The following DPH6 variants were observed in gnomAD, a reference collection of about 807,000 sequenced individuals.
DPH6 encodes the protein diphthamine biosynthesis 6.
DPH6 carries 33 observed loss-of-function variants against 38.2 expected under a neutral mutation model. The ratio of observed to expected loss-of-function variants is 0.86; its 90% CI spans 0.65 to 1.15. The LOEUF (loss-of-function observed/expected upper bound fraction) is 1.15, where lower values mean the gene tolerates loss of function less well. Among genes scored for constraint, DPH6 ranks in the 50% most tolerant of loss-of-function variants. The probability of loss-of-function intolerance (pLI) is 0.00; values close to 1 mark genes in which losing one functional copy is unlikely to be tolerated. For synonymous variants in DPH6, 108 were observed against 103.0 expected, an observed-to-expected ratio of 1.05 and a Z score of -0.30; for missense variants, 325 against 320.0, an observed-to-expected ratio of 1.02 and a Z score of -0.12.
At chr15:35,387,404 T>C (rs927369244) in intron 6 of DPH6, among the ~76,000 whole-genome samples, 1 of 152,212 alleles carries the variant, frequency 6.6e-6, no homozygotes, top group Non-Finnish European at 1.5e-5. Flanking sequence ...TTGATGGGGA[T>C]GGCATTGAAT....
chr15:35,398,525 C>T lies in DPH6; in HGVS notation c.567+12310G>A, dbSNP rs111901346. Among the ~76,000 whole-genome samples, 602 of 132,720 alleles carry T rather than the reference C, an allele frequency of 4.5e-3. 3 individuals carry two copies. Among genetic ancestry groups the T allele is most frequent in the African/African-American group, 0.018 (560 of 31,048 alleles). The allele number at this position is 132,720 out of a possible 152,430, so 87.1% of individuals were successfully genotyped here. On this transcript the variant is annotated intron_variant, in intron 6 of 8. Coordinates refer to ENST00000256538, the MANE Select transcript of DPH6 (RefSeq NM_080650.4). ...ACATGGAGCTGCCTGGAGGATGGTGCGCTGAGAGACAGCCTGGAAGCTCTG... is the reference window on the plus strand; with the variant it reads ...ACATGGAGCTGCCTGGAGGATGGTGTGCTGAGAGACAGCCTGGAAGCTCTG...
chr15:35,324,483 A>C (rs2052266545), intron 3 of DPH6, among the ~76,000 whole-genome samples: 1 of 151,778 alleles, frequency 6.6e-6, no homozygotes, highest in South Asian at 2.1e-4. Flanking sequence ...GTCTTATAAC[A>C]TTGTTACTTA....
the DPH6 span, among the ~76,000 whole-genome samples, chr15:35,191,866 T>G: frequency 6.6e-6 from 1 of 152,218 alleles, no homozygotes; most frequent in Non-Finnish European, 1.5e-5. Flanking sequence ...CCTTCCTACA[T>G]GTAGCTATGT....
chr15:35,473,953 T>TGCGC (rs1385511052), intron 3 of DPH6, among the ~76,000 whole-genome samples: 2 of 25,012 alleles, frequency 8.0e-5, no homozygotes, highest in African/African-American at 1.1e-4. Flanking sequence ...TGTGTGTGTG[T>TGCGC]GTGTGCGCGC....
intron 3 of DPH6, among the ~76,000 whole-genome samples, chr15:35,249,696 TA>T (rs1384245810): frequency 2.0e-5 from 3 of 152,174 alleles, no homozygotes; most frequent in Non-Finnish European, 4.4e-5. Flanking sequence ...CGAAGAACTT[TA>T]AAAATAGCAT....
chr15:35,407,397 T>C (rs927002431), intron 6 of DPH6, among the ~76,000 whole-genome samples: 1 of 151,878 alleles, frequency 6.6e-6, no homozygotes, highest in Admixed American at 6.6e-5. Context: ...TGTCACATAA[T>C]AGACCCTCAA....
intron 3 of DPH6, among the ~76,000 whole-genome samples, chr15:35,313,916 C>T (rs965140888): frequency 6.6e-6 from 1 of 152,034 alleles, no homozygotes; most frequent in African/African-American, 2.4e-5. Context: ...ACACCAAAAG[C>T]ACAGGCAACC....
At chr15:35,152,391 T>G in the DPH6 span, among the ~76,000 whole-genome samples, 3 of 152,070 alleles carry the variant, frequency 2.0e-5, no homozygotes, top group Admixed American at 2.0e-4. Context: ...ACTCTGAAAA[T>G]TTTAAGGTTT....
At chr15:35,407,375 C>A (rs2053308472) in intron 6 of DPH6, among the ~76,000 whole-genome samples, 1 of 151,818 alleles carries the variant, frequency 6.6e-6, no homozygotes, top group African/African-American at 2.4e-5. Flanking sequence ...ACTTAGTGTT[C>A]ACCATAGCAT....
chr15:35,474,208 C>T lies in DPH6; in HGVS notation c.313-19388G>A, dbSNP rs563074453. ...AGCAAGTTTGGCAGGAAACTGCTTT[C>T]TAAACCAAGTTAAATTTTTCCCCTC... is the stretch of plus-strand genomic sequence containing the variant. On this transcript the variant is annotated intron_variant, in intron 3 of 8. Transcript: ENST00000256538. Among the ~76,000 whole-genome samples, 122 of 152,180 alleles carry T rather than the reference C, an allele frequency of 8.0e-4. 2 individuals carry two copies. The South Asian group carries it at 0.023, about 28-fold the overall frequency.
At chr15:35,249,446 TAC>T (rs2051656971) in intron 3 of DPH6, among the ~76,000 whole-genome samples, 1 of 152,192 alleles carries the variant, frequency 6.6e-6, no homozygotes, top group South Asian at 2.1e-4. Context: ...AAAGAAATAT[TAC>T]AGATATTTAA....
intron 7 of DPH6, among the ~76,000 whole-genome samples, chr15:35,376,633 A>G (rs1007083250): frequency 6.6e-6 from 1 of 152,138 alleles, no homozygotes; most frequent in African/African-American, 2.4e-5. Flanking sequence ...AGCAACTTTC[A>G]GTCCTGTAAG....
chr15:35,366,228 TTGTGTGTG>T (rs10525441), downstream of DPH6, among the ~76,000 whole-genome samples: 8 of 144,372 alleles, frequency 5.5e-5, no homozygotes, highest in Middle Eastern at 3.4e-3. Context: ...TTTAGTCATC[TTGTGTGTG>T]TGTGTGTGTG....
At position 35,243,291 on chromosome 15, in the gene DPH6, C is replaced by T. The variant is rs2051613118; in HGVS notation, n.201-22709G>A. On this transcript the variant is annotated intron_variant and non_coding_transcript_variant, in intron 3 of 3. Transcript: ENST00000560386. ...CCGCCCCTAATACCGCTTGAAGCAG[C>T]CCTGAGAAACATCGCCCATTCTCTC... Among the ~76,000 whole-genome samples, 2 of 140,990 alleles carry T rather than the reference C, an allele frequency of 1.4e-5. 1 individual carries two copies. Among genetic ancestry groups the T allele is most frequent in the Non-Finnish European group, 3.1e-5 (2 of 65,154 alleles). 92.5% of individuals were successfully genotyped at this position (140,990 alleles called of 152,430 possible).
At chr15:35,235,190 A>G (rs1407990554) in intron 3 of DPH6, among the ~76,000 whole-genome samples, 3 of 152,096 alleles carry the variant, frequency 2.0e-5, no homozygotes, top group African/African-American at 7.2e-5. Context: ...TTGGGCCACA[A>G]GTGAAAGAGA....
chr15:35,343,467 C>T (rs2052438155), intron 3 of DPH6, among the ~76,000 whole-genome samples: 2 of 151,946 alleles, frequency 1.3e-5, no homozygotes, highest in Middle Eastern at 3.2e-3. Context: ...GTTACATATA[C>T]ACACAAAGTA....
downstream of DPH6, among the ~76,000 whole-genome samples, chr15:35,367,139 T>C (rs1055883468): frequency 6.6e-5 from 10 of 151,778 alleles, no homozygotes; most frequent in South Asian, 4.1e-4. Flanking sequence ...AAATATATAA[T>C]TGTCCCAGGA....
intron 3 of DPH6, among the ~76,000 whole-genome samples, chr15:35,309,730 T>C (rs1169969080): frequency 6.6e-6 from 1 of 152,228 alleles, no homozygotes; most frequent in African/African-American, 2.4e-5. Context: ...TTAAGTTGTT[T>C]ATTTTCTGAA....
chr15:35,345,343 A>G (rs1595491069), intron 3 of DPH6, among the ~76,000 whole-genome samples: 1 of 151,868 alleles, frequency 6.6e-6, no homozygotes, highest in East Asian at 1.9e-4. Flanking sequence ...TCCTTTCCCT[A>G]ATTTATACAT....
Sources: gnomAD v4.1 joint callset for allele counts (sites outside exome capture counted in the v4.1 genomes callset) on GRCh38, gnomAD v4.1.1 for gene constraint, MANE v1.5 for transcripts, NCBI Gene and HGNC (gene_info 2026-07-23, HGNC 2026-07-21) for gene names.